The following ACOXL variants were observed in gnomAD, a reference collection of about 807,000 sequenced individuals.
ACOXL encodes the protein acyl-CoA oxidase like.
In ACOXL, 70 loss-of-function variants were observed where a neutral mutation model predicts 71.9. The ratio of observed to expected loss-of-function variants is 0.97; its 90% CI spans 0.80 to 1.19. The LOEUF is 1.19. ACOXL is among the 50% of genes most tolerant of loss of function. ACOXL has a pLI of 0.00. For missense variants in ACOXL, 703 were observed against 736.3 expected, an observed-to-expected ratio of 0.95 and a Z score of 0.52; for synonymous variants, 253 against 281.6, an observed-to-expected ratio of 0.90 and a Z score of 1.02.
At chr2:110,832,523 C>CGACA (rs1553556596) in intron 9 of ACOXL, among the ~76,000 whole-genome samples, 2 of 134,122 alleles carry the variant, frequency 1.5e-5, no homozygotes, top group Non-Finnish European at 3.1e-5. Context: ...CCGGCCTGGG[C>CGACA]GACAGAGCGA....
At chr2:110,740,786 C>T (rs1044026089) in intron 1 of ACOXL, among the ~76,000 whole-genome samples, 1 of 152,248 alleles carries the variant, frequency 6.6e-6, no homozygotes, top group Non-Finnish European at 1.5e-5. Flanking sequence ...GGGGAATCCA[C>T]TGGCCCTGTC....
chr2:110,973,696 G>A (rs920375894), intron 12 of ACOXL, among the ~76,000 whole-genome samples: 7 of 152,316 alleles, frequency 4.6e-5, no homozygotes, highest in South Asian at 2.1e-4. Context: ...CTGGATGACC[G>A]TGGAGAGACA....
intron 12 of ACOXL, among the ~76,000 whole-genome samples, chr2:110,953,892 T>G (rs184184947): frequency 1.4e-4 from 22 of 152,304 alleles, no homozygotes; most frequent in Admixed American, 2.6e-4. Flanking sequence ...TCACGCATTA[T>G]CATGAGAACA....
At chr2:110,789,758 G>A (rs767017216) in intron 3 of ACOXL, among the ~76,000 whole-genome samples, 17 of 152,170 alleles carry the variant, frequency 1.1e-4, no homozygotes, top group South Asian at 2.1e-4. Context: ...TGGAGTCCCC[G>A]TTGTCTCAAA....
intron 14 of ACOXL, among the ~76,000 whole-genome samples, chr2:111,027,397 C>T (rs2149731145): frequency 6.6e-6 from 1 of 151,796 alleles, no homozygotes; most frequent in East Asian, 1.9e-4. Flanking sequence ...TCTCGGCTCA[C>T]TACAACCTCC....
At chr2:110,793,578 T>G (rs1171674495) in intron 3 of ACOXL, 72 bp from the exon 4 acceptor site, 83 of 1,398,088 alleles carry the variant, frequency 5.9e-5, no homozygotes, top group Non-Finnish European at 8.1e-5. Flanking sequence ...TGATTGGAGT[T>G]TGGCCGTGGA....
At chr2:110,968,656 GA>G in intron 12 of ACOXL, 1 of 1,091,302 alleles carries the variant, frequency 9.2e-7, no homozygotes, top group Non-Finnish European at 1.3e-6. Flanking sequence ...TTGCCCAGAA[GA>G]AAGATCAGAT....
intron 12 of ACOXL, among the ~76,000 whole-genome samples, chr2:110,957,915 G>A (rs771895133): frequency 2.7e-4 from 41 of 151,930 alleles, no homozygotes; most frequent in Non-Finnish European, 5.7e-4. Context: ...AAAAAAAGGC[G>A]GGCATGGTGG....
chr2:110,974,681 G>A (rs2062365222), intron 12 of ACOXL, among the ~76,000 whole-genome samples: 3 of 152,202 alleles, frequency 2.0e-5, no homozygotes, highest in African/African-American at 7.2e-5. Context: ...AGACCAGGAA[G>A]GGGTGTCCTC....
chr2:110,910,975 A>G (rs935064536), intron 11 of ACOXL, among the ~76,000 whole-genome samples: 1 of 152,088 alleles, frequency 6.6e-6, no homozygotes, highest in African/African-American at 2.4e-5. Flanking sequence ...TTGTTTTATG[A>G]TTATTGCTTT....
chr2:110,893,229 A>G (rs1158296232), intron 10 of ACOXL, among the ~76,000 whole-genome samples: 2 of 152,230 alleles, frequency 1.3e-5, no homozygotes, highest in African/African-American at 4.8e-5. Flanking sequence ...CCAATGGTTT[A>G]ATTTTTTTAA....
intron 10 of ACOXL, among the ~76,000 whole-genome samples, chr2:110,868,074 C>T (rs1296710548): frequency 6.6e-6 from 1 of 152,136 alleles, no homozygotes; most frequent in Non-Finnish European, 1.5e-5. Context: ...AATTGCTATT[C>T]TTGATAGAAA....
At chr2:111,095,875 C>A (rs2068773795) in intron 17 of ACOXL, among the ~76,000 whole-genome samples, 2 of 152,220 alleles carry the variant, frequency 1.3e-5, no homozygotes, top group South Asian at 4.1e-4. Flanking sequence ...GTACTCATCC[C>A]ATTTGCTGGT....
intron 1 of ACOXL, among the ~76,000 whole-genome samples, chr2:110,758,893 T>G (rs1174263968): frequency 6.6e-6 from 1 of 152,236 alleles, no homozygotes; most frequent in Non-Finnish European, 1.5e-5. Context: ...TCTCATTAGT[T>G]TCAAAGAACT....
At chr2:111,037,219 GC>G (rs1170892888) in intron 15 of ACOXL, among the ~76,000 whole-genome samples, 1 of 152,132 alleles carries the variant, frequency 6.6e-6, no homozygotes, top group African/African-American at 2.4e-5. Context: ...GGTCAGCTGG[GC>G]CCTAAGAAGA....
chr2:111,096,390 G>A (rs966946793), intron 17 of ACOXL, among the ~76,000 whole-genome samples: 8 of 151,792 alleles, frequency 5.3e-5, no homozygotes, highest in Admixed American at 2.0e-4. Flanking sequence ...TTATAGGCAC[G>A]TGCCACCACG....
chr2:110,950,236 C>T (rs147089014), intron 12 of ACOXL, among the ~76,000 whole-genome samples: 6 of 152,118 alleles, frequency 3.9e-5, no homozygotes, highest in Admixed American at 1.3e-4. Flanking sequence ...TGGAAAAAAT[C>T]GCTCCCCAGT....
intron 15 of ACOXL, among the ~76,000 whole-genome samples, chr2:111,033,531 TC>T (rs1044795107): frequency 1.3e-5 from 2 of 152,152 alleles, no homozygotes; most frequent in Middle Eastern, 3.2e-3. Context: ...GATCTGAGTG[TC>T]CCCTGTGACC....
intron 10 of ACOXL, among the ~76,000 whole-genome samples, chr2:110,871,612 C>T (rs553281457): frequency 4.7e-4 from 71 of 152,194 alleles, no homozygotes; most frequent in African/African-American, 1.7e-3. Context: ...TACATCACTG[C>T]TACTAAGGTG....
Sources: allele counts gnomAD v4.1 joint callset (sites outside exome capture counted in the v4.1 genomes callset), GRCh38; gene constraint gnomAD v4.1.1; transcripts MANE v1.5; gene names NCBI Gene and HGNC (gene_info 2026-07-23, HGNC 2026-07-21).